WWOX: variants seen among roughly 807,000 people sequenced by gnomAD.
WWOX encodes WW domain containing oxidoreductase.
A neutral mutation model predicts 46.2 loss-of-function variants in WWOX; 69 were observed. The ratio of observed to expected loss-of-function variants is 1.49; its 90% CI spans 1.23 to 1.82. The LOEUF is 1.82. Among genes scored for constraint, WWOX ranks in the 40% most tolerant of loss-of-function variants. The probability of loss-of-function intolerance (pLI) is 0.00; values close to 1 mark genes in which losing one functional copy is unlikely to be tolerated. For synonymous variants in WWOX, 359 were observed against 202.6 expected, an observed-to-expected ratio of 1.77 and a Z score of -6.56; for missense variants, 919 against 542.6, an observed-to-expected ratio of 1.69 and a Z score of -6.89.
intron 6 of WWOX, among the ~76,000 whole-genome samples, chr16:78,389,826 T>A (rs12598627): frequency 0.17 from 25,486 of 152,144 alleles, 3,308 homozygotes; most frequent in African/African-American, 0.36. Flanking sequence ...TCTCTGTTCA[T>A]TGCAACCTCT....
At chr16:79,192,252 G>T (rs2051150884) in intron 8 of WWOX, among the ~76,000 whole-genome samples, 1 of 152,170 alleles carries the variant, frequency 6.6e-6, no homozygotes, top group South Asian at 2.1e-4. Context: ...CCTCCCTTTG[G>T]CGTGAAATGG....
intron 8 of WWOX, among the ~76,000 whole-genome samples, chr16:78,831,334 G>T (rs937939671): frequency 5.3e-5 from 8 of 152,166 alleles, no homozygotes; most frequent in African/African-American, 1.4e-4. Flanking sequence ...CCCCTGACCA[G>T]CCTCCAAGAT....
intron 8 of WWOX, among the ~76,000 whole-genome samples, chr16:78,488,174 A>C (rs1327499558): frequency 6.6e-6 from 1 of 152,162 alleles, no homozygotes; most frequent in Non-Finnish European, 1.5e-5. Flanking sequence ...CTGGGGATGG[A>C]GGGAACATGG....
At chr16:79,050,229 G>C (rs957708433) in intron 8 of WWOX, among the ~76,000 whole-genome samples, 5 of 152,138 alleles carry the variant, frequency 3.3e-5, no homozygotes, top group Non-Finnish European at 7.3e-5. Flanking sequence ...TGGTTTTGGT[G>C]GGGCTTCCCC....
chr16:78,651,344 T>A (rs192335969), intron 8 of WWOX, among the ~76,000 whole-genome samples: 1 of 152,222 alleles, frequency 6.6e-6, no homozygotes, highest in Admixed American at 6.5e-5. Context: ...AGAAAAGATA[T>A]AACGATTGAA....
At chr16:78,778,373 G>C (rs2050243801) in intron 8 of WWOX, among the ~76,000 whole-genome samples, 1 of 152,174 alleles carries the variant, frequency 6.6e-6, no homozygotes, top group African/African-American at 2.4e-5. Context: ...AAAGGAACGA[G>C]GTGACAGCAA....
At chr16:78,663,912 G>A (rs2550643) in intron 8 of WWOX, among the ~76,000 whole-genome samples, 1 of 152,192 alleles carries the variant, frequency 6.6e-6, no homozygotes, top group Non-Finnish European at 1.5e-5. Flanking sequence ...GGAGCCAACA[G>A]GGATAATAGA....
At chr16:78,684,630 G>T (rs187806689) in intron 8 of WWOX, among the ~76,000 whole-genome samples, 1 of 152,282 alleles carries the variant, frequency 6.6e-6, no homozygotes, top group East Asian at 1.9e-4. Context: ...CACCGTCCCT[G>T]CTAATGGCTG....
At chr16:79,193,070 C>A (rs188906806) in intron 8 of WWOX, among the ~76,000 whole-genome samples, 56 of 152,358 alleles carry the variant, frequency 3.7e-4, no homozygotes, top group Admixed American at 3.1e-3. Flanking sequence ...TCTCTACGAT[C>A]TTTGACCTCT....
intron 8 of WWOX, among the ~76,000 whole-genome samples, chr16:78,460,420 A>G (rs1301531966): frequency 6.6e-6 from 1 of 152,114 alleles, no homozygotes; most frequent in Non-Finnish European, 1.5e-5. Flanking sequence ...TACTTTCCTT[A>G]GTTGTTTTCA....
At chr16:78,745,065 T>A (rs952660392) in intron 8 of WWOX, among the ~76,000 whole-genome samples, 3 of 152,012 alleles carry the variant, frequency 2.0e-5, no homozygotes, top group African/African-American at 7.2e-5. Flanking sequence ...ATTTTATTGA[T>A]GAAGAAATGG....
chr16:78,822,273 C>T (rs1038761182), intron 8 of WWOX, among the ~76,000 whole-genome samples: 1 of 152,054 alleles, frequency 6.6e-6, no homozygotes, highest in Non-Finnish European at 1.5e-5. Context: ...GTGGGTGGGT[C>T]ATCTGAGGTC....
chr16:78,681,958 C>G (rs941369456), intron 8 of WWOX, among the ~76,000 whole-genome samples: 24 of 152,160 alleles, frequency 1.6e-4, no homozygotes, highest in African/African-American at 4.8e-4. Flanking sequence ...AGCAAGCGCC[C>G]AGATGTCACT....
chr16:79,212,217 A>C lies in WWOX; in HGVS notation c.*421A>C. The C allele has an allele frequency of 1.4e-6, 2 of 1,421,172 alleles. No individual in the cohort carries two copies. Among genetic ancestry groups the C allele is most frequent in the Non-Finnish European group, 1.8e-6 (2 of 1,083,790 alleles). 88.0% of individuals were successfully genotyped at this position (1,421,172 alleles called of 1,614,324 possible). ...TTCTCCTACTTAGGGAAGAAAAAGC[A>C]AGTGTTCACTGCTCCTTGCTGCATT... On this transcript the variant is annotated 3_prime_UTR_variant, in exon 9 of 9. Coordinates refer to ENST00000566780, the MANE Select transcript of WWOX (RefSeq NM_016373.4).
intron 8 of WWOX, among the ~76,000 whole-genome samples, chr16:78,963,281 C>G (rs558633305): frequency 1.1e-3 from 163 of 152,136 alleles, no homozygotes; most frequent in Non-Finnish European, 1.7e-3. Flanking sequence ...CCAGTCTGGG[C>G]AACATAGTGA....
chr16:78,378,017 G>A (rs1222639200), intron 5 of WWOX, among the ~76,000 whole-genome samples: 1 of 152,042 alleles, frequency 6.6e-6, no homozygotes, highest in Non-Finnish European at 1.5e-5. Flanking sequence ...GGGACCTGAT[G>A]GAGGGCCCTG....
rs188214308 is a variant in WWOX, at chr16:78,779,753, C to T, written c.1056+347001C>T. On this transcript the variant is annotated intron_variant, in intron 8 of 8. Transcript: ENST00000566780. ...CCAGGATGTGAGAGACATTCTTGTC[C>T]TAGGCAGCACGTTGGTGGCAGAGGT... 2.6e-5 allele frequency among the ~76,000 whole-genome samples: 4 copies of T among 152,258 alleles called. No individual in the cohort carries two copies. In the East Asian group the frequency reaches 5.8e-4, roughly 22 times the overall value.
intron 8 of WWOX, among the ~76,000 whole-genome samples, chr16:78,532,896 A>G (rs1477739089): frequency 1.3e-5 from 2 of 152,168 alleles, no homozygotes; most frequent in Non-Finnish European, 2.9e-5. Context: ...CATATCAAAA[A>G]CCATTTATAA....
intron 8 of WWOX, among the ~76,000 whole-genome samples, chr16:78,482,297 G>A (rs1430787327): frequency 3.9e-5 from 6 of 152,168 alleles, no homozygotes; most frequent in South Asian, 2.1e-4. Flanking sequence ...GTGCAGTGGC[G>A]CGATCTTGGC....
Sources: gnomAD v4.1 joint callset for allele counts (sites outside exome capture counted in the v4.1 genomes callset) on GRCh38, gnomAD v4.1.1 for gene constraint, MANE v1.5 for transcripts, NCBI Gene and HGNC (gene_info 2026-07-23, HGNC 2026-07-21) for gene names.